The following IGSF9B variants were observed in gnomAD, a reference collection of about 807,000 sequenced individuals.
IGSF9B encodes protein turtle homolog B.
Under a neutral mutation model 143.7 loss-of-function variants are expected in IGSF9B, and 48 were observed. That is an observed-to-expected ratio of 0.33 (90% confidence interval 0.26 to 0.42). IGSF9B has a LOEUF of 0.42. IGSF9B is among the 20% of genes least tolerant of loss of function. The pLI is 1.00. For missense variants in IGSF9B, 1,706 were observed against 1,980.0 expected, an observed-to-expected ratio of 0.86 and a Z score of 2.63; for synonymous variants, 903 against 833.1, an observed-to-expected ratio of 1.08 and a Z score of -1.44.
At position 133,909,452 on chromosome 11, in the gene IGSF9B, G is replaced by A. The variant is rs767789163; in HGVS notation, c.4106-175C>T. 2.6e-5 allele frequency among the ~76,000 whole-genome samples: 4 copies of A among 152,082 alleles called. No homozygotes were observed. Among genetic ancestry groups the A allele is most frequent in the East Asian group, 3.9e-4 (2 of 5,184 alleles). On this transcript the variant is annotated intron_variant, in intron 19 of 19. Transcript: ENST00000533871. The surrounding 1 kb of genome is among the most constrained non-coding windows in gnomAD (Gnocchi z 4.2). Reference sequence around the variant, plus strand: ...CTGCAGAGAAACCACCTTCTTTTCCGCCAAGACAACCAGCAACCTGACCCT... The same window carrying A: ...CTGCAGAGAAACCACCTTCTTTTCCACCAAGACAACCAGCAACCTGACCCT...
chr11:133,933,049 A>G (rs1231200307), intron 7 of IGSF9B, among the ~76,000 whole-genome samples: 1 of 152,186 alleles, frequency 6.6e-6, no homozygotes, highest in Non-Finnish European at 1.5e-5. Flanking sequence ...CAGGGAAGCC[A>G]GGTGAGAATC....
chr11:133,944,167 C>A (rs1940000975), intron 3 of IGSF9B, 53 bp downstream of exon 3: 2 of 1,539,550 alleles, frequency 1.3e-6, no homozygotes, highest in African/African-American at 2.7e-5. Context: ...CCGGAAACAG[C>A]CCTCAGGCAC....
chr11:133,907,493 T>C lies in IGSF9B; in HGVS notation c.*1576A>G, dbSNP rs1106561. Among the ~76,000 whole-genome samples the C allele has an allele frequency of 0.068, 10,410 of 152,116 alleles. 479 individuals carry two copies. The highest frequency in any genetic ancestry group is 0.097 in the Non-Finnish European group (6,618 of 67,962). Reference sequence around the variant, plus strand: ...AAGGAAATACTTCAAGGAACCTTCATTCTAAGCCAAGCCAGAAGGGGGGCT... The same window carrying C: ...AAGGAAATACTTCAAGGAACCTTCACTCTAAGCCAAGCCAGAAGGGGGGCT... On this transcript the variant is annotated 3_prime_UTR_variant, in exon 20 of 20. Coordinates refer to ENST00000533871, the MANE Select transcript of IGSF9B (RefSeq NM_001277285.4).
In IGSF9B at chr11:133,912,200, C is replaced by T. The variant is rs1939311676; in HGVS notation, c.3984-193G>A. The stretch of plus-strand genomic sequence containing the variant: ...GGAAAGAAGAAAACCCAGTAGAAAG[C>T]TCCAGGAGCATGGCCCACCTCGGAT... On this transcript the variant is annotated intron_variant, in intron 18 of 19. Transcript: ENST00000533871. The T allele has an allele frequency of 4.0e-6, 3 of 743,190 alleles. No homozygotes were observed. In the Admixed American group the frequency reaches 6.1e-5, roughly 15 times the overall value. The allele number at this position is 743,190 out of a possible 1,614,324, so 46.0% of individuals were successfully genotyped here. A position where few individuals can be genotyped will look rare whatever the true frequency, so the allele number is the denominator to read the frequency against.
intron 3 of IGSF9B, among the ~76,000 whole-genome samples, chr11:133,940,012 C>T (rs1346800031): frequency 6.7e-5 from 10 of 148,710 alleles, no homozygotes; most frequent in Non-Finnish European, 1.3e-4. Flanking sequence ...TCATCGCACG[C>T]GTCATCACAT....
chr11:133,922,483 G>A, intron 16 of IGSF9B, 86 bp downstream of exon 16: 1 of 1,314,712 alleles, frequency 7.6e-7, no homozygotes, highest in East Asian at 2.4e-5. Context: ...TTCCAAGGGG[G>A]GCCATGCTAA....
chr11:133,929,754 G>A lies in IGSF9B; in HGVS notation c.1548C>T (p.Val516=). The change falls in exon 12 of 20, where the codon GTC becomes GTT. Residue 516 remains valine (V), a synonymous_variant. Coordinates refer to ENST00000533871, the MANE Select transcript of IGSF9B (RefSeq NM_001277285.4). ...CAGTTGTCATGGAGACCTGGACCCGGACACTGCCCGGGGCATGGGGGCTGG... is the reference window on the plus strand; with the variant it reads ...CAGTTGTCATGGAGACCTGGACCCGAACACTGCCCGGGGCATGGGGGCTGG... ...IGTSPHAPGS[V]RVQVSMTTAN... 1 of 1,613,838 alleles carries A rather than the reference G, an allele frequency of 6.2e-7. No individual in the cohort carries two copies. Among genetic ancestry groups the A allele is most frequent in the Non-Finnish European group, 8.5e-7 (1 of 1,179,770 alleles).
At position 133,921,293 on chromosome 11, in the gene IGSF9B, G is replaced by A; in HGVS notation, c.2432C>T (p.Pro811Leu). The A allele has an allele frequency of 6.2e-7, 1 of 1,610,506 alleles. No individual in the cohort carries two copies. Among genetic ancestry groups the A allele is most frequent in the Non-Finnish European group, 8.5e-7 (1 of 1,178,458 alleles). Residue 811 changes from proline (P) to leucine (L), a missense_variant, in exon 18 of 20, where the codon CCC (proline) becomes CTC (leucine). Physicochemically the swap from Pro to Leu is moderately conservative, Grantham distance 98. This residue lies in a region of IGSF9B where 135 missense variants were observed against 181.3 expected (regional missense o/e 0.74). Transcript: ENST00000533871. Reference protein sequence around the residue: ...GQPAAKRMLSPTREKELSLYK... With the variant: ...GQPAAKRMLSLTREKELSLYK... The stretch of plus-strand genomic sequence containing the variant: ...CAGCGACAGCTCCTTCTCACGGGTG[G>A]GGCTCAGCATCCTCTTGGCCGCGGG...
chr11:133,914,053 G>A (rs148089162), intron 18 of IGSF9B, among the ~76,000 whole-genome samples: 1 of 152,318 alleles, frequency 6.6e-6, no homozygotes, highest in Non-Finnish European at 1.5e-5. Context: ...TTCAAGCCAG[G>A]TGAAACTTCC....
At chr11:133,917,683 G>T (rs973588008) in intron 18 of IGSF9B, among the ~76,000 whole-genome samples, 6 of 152,114 alleles carry the variant, frequency 3.9e-5, no homozygotes, top group African/African-American at 1.4e-4. Context: ...CCCTGCAGAG[G>T]ACCCCACTGT....
rs762276337 is a variant in IGSF9B, at chr11:133,945,780, C to T, written c.262+281G>A. ...TGACTCAGTCTGCTGTCCTCTCCAT[C>T]CCACTCTCCCACCCAGGCCTCTCCA... On this transcript the variant is annotated intron_variant, in intron 2 of 19. Coordinates refer to ENST00000533871, the MANE Select transcript of IGSF9B (RefSeq NM_001277285.4). This position sits in a 1 kb window ranked among gnomAD's most constrained non-coding sequence, Gnocchi z 4.6. 1.6e-4 allele frequency among the ~76,000 whole-genome samples: 24 copies of T among 152,264 alleles called. No individual in the cohort carries two copies. Among genetic ancestry groups the T allele is most frequent in the Middle Eastern group, 3.4e-3 (1 of 294 alleles).
intron 3 of IGSF9B, among the ~76,000 whole-genome samples, chr11:133,939,005 G>C (rs373118756): frequency 6.6e-6 from 1 of 152,188 alleles, no homozygotes; most frequent in Non-Finnish European, 1.5e-5. Context: ...AGGCATTCAC[G>C]GGAAGCTTTG....
rs947099429 is a variant in IGSF9B, at chr11:133,953,834, C to T, written c.64+2857G>A. Among the ~76,000 whole-genome samples, 1 of 152,190 alleles carries T rather than the reference C, an allele frequency of 6.6e-6. No homozygotes were observed. Among genetic ancestry groups the T allele is most frequent in the African/African-American group, 2.4e-5 (1 of 41,454 alleles). ...TGAGATACTGAGTGCACACCAATCA[C>T]TGTCTTCCAGGTTCTGGGTACCACT... On this transcript the variant is annotated intron_variant, in intron 1 of 19. Transcript: ENST00000533871. This position sits in a 1 kb window ranked among gnomAD's most constrained non-coding sequence, Gnocchi z 4.2.
chr11:133,949,792 C>A (rs894474640), intron 1 of IGSF9B, among the ~76,000 whole-genome samples: 1 of 151,952 alleles, frequency 6.6e-6, no homozygotes, highest in Admixed American at 6.5e-5. Context: ...GTGCTGAGCC[C>A]CTCTCCATCA....
At position 133,931,447 on chromosome 11, in the gene IGSF9B, A is replaced by T. The variant is rs1248172702; in HGVS notation, c.1368+6T>A. 1 of 1,598,428 alleles carries T rather than the reference A, an allele frequency of 6.3e-7. No homozygotes were observed. Among genetic ancestry groups the T allele is most frequent in the Non-Finnish European group, 8.6e-7 (1 of 1,167,016 alleles). ...CTGCAGACCCAGGGCTCCAGGGCCC[A>T]GGTACCTTTCTCCAAGTGATGACAG... On this transcript the variant is annotated splice_donor_region_variant and intron_variant, in intron 10 of 19. Coordinates refer to ENST00000533871, the MANE Select transcript of IGSF9B (RefSeq NM_001277285.4). This position sits in a 1 kb window ranked among gnomAD's most constrained non-coding sequence, Gnocchi z 7.7.
chr11:133,912,799 G>A (rs1939322296), intron 18 of IGSF9B, among the ~76,000 whole-genome samples: 1 of 152,192 alleles, frequency 6.6e-6, no homozygotes, highest in Admixed American at 6.5e-5. Context: ...CGAGGCTATT[G>A]GAACAGACCA....
rs1269774853 is a variant in IGSF9B, at chr11:133,905,642, C to T, written c.*3427G>A. Reference sequence around the variant, plus strand: ...GGACTAAGCACCTCAAAGGAGGGCACAGACCCCGCCAGCCTGCTGGGAAAA... The same window carrying T: ...GGACTAAGCACCTCAAAGGAGGGCATAGACCCCGCCAGCCTGCTGGGAAAA... On this transcript the variant is annotated 3_prime_UTR_variant, in exon 20 of 20. Transcript: ENST00000533871. The surrounding 1 kb of genome is among the most constrained non-coding windows in gnomAD (Gnocchi z 4.0). Among the ~76,000 whole-genome samples the T allele has an allele frequency of 6.6e-6, 1 of 152,224 alleles. No individual in the cohort carries two copies. The highest frequency in any genetic ancestry group is 1.5e-5 in the Non-Finnish European group (1 of 68,040).
At chr11:133,917,276 G>A (rs1939405668) in intron 18 of IGSF9B, among the ~76,000 whole-genome samples, 1 of 152,160 alleles carries the variant, frequency 6.6e-6, no homozygotes, top group Non-Finnish European at 1.5e-5. Context: ...GCGAGCTTCG[G>A]GTGGCCCTGA....
rs1444726255 is a variant in IGSF9B, at chr11:133,901,865, CCA to C, written c.*7202_*7203del. Reference sequence around the variant, plus strand: ...ACACCACACACGCACCACACACGCACCACACACGCACCACACACACACACAAC... The same window carrying C: ...ACACCACACACGCACCACACACGCACCACACGCACCACACACACACACAAC... On this transcript the variant is annotated 3_prime_UTR_variant, in exon 20 of 20. Transcript: ENST00000533871. Among the ~76,000 whole-genome samples the C allele has an allele frequency of 7.1e-6, 1 of 141,368 alleles. No individual in the cohort carries two copies. Among genetic ancestry groups the C allele is most frequent in the Non-Finnish European group, 1.6e-5 (1 of 64,494 alleles). The allele number at this position is 141,368 out of a possible 152,430, so 92.7% of individuals were successfully genotyped here.
Sources: gnomAD v4.1 joint callset for allele counts (sites outside exome capture counted in the v4.1 genomes callset) on GRCh38, gnomAD v4.1.1 for gene constraint, gnomAD v4.1.1 regional missense constraint, Gnocchi (gnomAD v3.1) non-coding constraint, MANE v1.5 for transcripts, NCBI Gene and HGNC (gene_info 2026-07-23, HGNC 2026-07-21) for gene names.